Variants in CNTNAP2 observed in about 807,000 individuals in gnomAD.
CNTNAP2 encodes contactin associated protein 2.
CNTNAP2 carries 98 observed loss-of-function variants against 155.2 expected under a neutral mutation model. The ratio of observed to expected loss-of-function variants is 0.63; its 90% CI spans 0.54 to 0.75. The LOEUF (loss-of-function observed/expected upper bound fraction) is 0.75. CNTNAP2 is among the 30% of genes least tolerant of loss of function. The pLI is 0.00. For missense variants in CNTNAP2, 1,727 were observed against 1,688.1 expected (o/e 1.02, Z -0.40); for synonymous variants, 651 against 631.2 (o/e 1.03, Z -0.47).
chr7:146,761,362 G>T (rs892178831), intron 1 of CNTNAP2, among the ~76,000 whole-genome samples: 60 of 152,230 alleles, frequency 3.9e-4, no homozygotes, highest in South Asian at 6.2e-4. Context: ...TCCCTGAAAA[G>T]AGAGGGAAGC....
At chr7:148,205,640 C>T (rs1296408981) in intron 18 of CNTNAP2, among the ~76,000 whole-genome samples, 1 of 152,226 alleles carries the variant, frequency 6.6e-6, no homozygotes, top group African/African-American at 2.4e-5. Flanking sequence ...GATGAGGTCT[C>T]AGTCAACTGA....
chr7:147,834,581 A>G (rs1332541426), intron 13 of CNTNAP2, among the ~76,000 whole-genome samples: 1 of 152,108 alleles, frequency 6.6e-6, no homozygotes, highest in Non-Finnish European at 1.5e-5. Context: ...TCTTTCATAG[A>G]CACCTACATC....
chr7:146,557,975 A>T (rs1474510235), intron 1 of CNTNAP2, among the ~76,000 whole-genome samples: 3 of 152,240 alleles, frequency 2.0e-5, no homozygotes, highest in Non-Finnish European at 4.4e-5. Context: ...AATGAAACAG[A>T]AAATGTAATA....
At chr7:148,055,753 A>G (rs1460570467) in intron 15 of CNTNAP2, among the ~76,000 whole-genome samples, 3 of 151,930 alleles carry the variant, frequency 2.0e-5, no homozygotes, top group African/African-American at 7.3e-5. Flanking sequence ...AAGGAAAAGC[A>G]TTGCAGTTAA....
At chr7:146,203,154 T>G (rs777202633) in intron 1 of CNTNAP2, among the ~76,000 whole-genome samples, 2 of 152,190 alleles carry the variant, frequency 1.3e-5, no homozygotes, top group African/African-American at 4.8e-5. Flanking sequence ...AAGCAAGCAA[T>G]CAATTCTGCA....
intron 1 of CNTNAP2, among the ~76,000 whole-genome samples, chr7:146,444,663 T>C (rs1455567945): frequency 7.0e-6 from 1 of 142,282 alleles, no homozygotes; most frequent in East Asian, 2.0e-4. Context: ...CTCTCTCTCT[T>C]TTTTTTTTTT....
chr7:146,970,668 C>G (rs1336993002), intron 3 of CNTNAP2, among the ~76,000 whole-genome samples: 2 of 152,058 alleles, frequency 1.3e-5, no homozygotes, highest in African/African-American at 4.8e-5. Context: ...CCTCAGGGAT[C>G]TAGAACTAGA....
At chr7:147,861,347 A>G (rs555599025) in intron 13 of CNTNAP2, among the ~76,000 whole-genome samples, 1 of 151,558 alleles carries the variant, frequency 6.6e-6, no homozygotes, top group South Asian at 2.1e-4. Flanking sequence ...AGAGATAAAT[A>G]AGACCTAGCC....
chr7:147,986,738 T>G (rs542816082), intron 15 of CNTNAP2, among the ~76,000 whole-genome samples: 1 of 152,090 alleles, frequency 6.6e-6, no homozygotes, highest in Non-Finnish European at 1.5e-5. Flanking sequence ...AACAGCTGAG[T>G]GGGTATCAGA....
intron 1 of CNTNAP2, among the ~76,000 whole-genome samples, chr7:146,538,270 C>A (rs970273677): frequency 3.9e-5 from 6 of 152,082 alleles, no homozygotes; most frequent in Non-Finnish European, 7.4e-5. Flanking sequence ...AACCTCAAGT[C>A]TTTCCCCAAA....
intron 11 of CNTNAP2, among the ~76,000 whole-genome samples, chr7:147,507,793 G>T (rs183916307): frequency 6.6e-6 from 1 of 151,678 alleles, no homozygotes; most frequent in African/African-American, 2.4e-5. Context: ...CCTCGTGATC[G>T]GCCTGCCTCG....
At chr7:147,109,016 T>C (rs1226818160) in intron 5 of CNTNAP2, among the ~76,000 whole-genome samples, 1 of 152,194 alleles carries the variant, frequency 6.6e-6, no homozygotes, top group Non-Finnish European at 1.5e-5. Flanking sequence ...CCAAATCCTG[T>C]GGGATCCTGC....
chr7:146,296,198 C>A (rs1800512151), intron 1 of CNTNAP2, among the ~76,000 whole-genome samples: 1 of 152,102 alleles, frequency 6.6e-6, no homozygotes. Context: ...CGGACCCCAG[C>A]CAGTTTGAAG....
At chr7:146,706,141 A>G (rs1800961560) in intron 1 of CNTNAP2, among the ~76,000 whole-genome samples, 1 of 150,872 alleles carries the variant, frequency 6.6e-6, no homozygotes, top group African/African-American at 2.5e-5. Flanking sequence ...GACATAGCCA[A>G]ATGTTCCCTG....
chr7:146,944,834 T>C (rs1002757181), intron 3 of CNTNAP2, among the ~76,000 whole-genome samples: 137 of 151,326 alleles, frequency 9.1e-4, no homozygotes, highest in Non-Finnish European at 1.5e-3. Context: ...GCCGAGATCG[T>C]GCCACTGCAC....
intron 12 of CNTNAP2, among the ~76,000 whole-genome samples, chr7:147,635,546 A>G (rs2116917316): frequency 6.6e-6 from 1 of 152,292 alleles, no homozygotes; most frequent in African/African-American, 2.4e-5. Context: ...TGTGTTACAA[A>G]ACAAACATAT....
At chr7:148,049,813 A>G (rs766257354) in intron 15 of CNTNAP2, among the ~76,000 whole-genome samples, 5 of 152,222 alleles carry the variant, frequency 3.3e-5, no homozygotes, top group African/African-American at 4.8e-5. Flanking sequence ...TATTTGCTAT[A>G]TTATATTATA....
intron 1 of CNTNAP2, among the ~76,000 whole-genome samples, chr7:146,659,526 A>G (rs1800051577): frequency 1.3e-5 from 2 of 152,186 alleles, no homozygotes; most frequent in African/African-American, 4.8e-5. Context: ...GGGATTCTCT[A>G]GAAGAGCTTC....
At chr7:147,483,662 A>G (rs1563222188) in intron 10 of CNTNAP2, among the ~76,000 whole-genome samples, 1 of 152,240 alleles carries the variant, frequency 6.6e-6, no homozygotes, top group Non-Finnish European at 1.5e-5. Context: ...TAATTTAGAA[A>G]GTAAATATAC....
Sources: allele counts gnomAD v4.1 joint callset (sites outside exome capture counted in the v4.1 genomes callset), GRCh38; gene constraint gnomAD v4.1.1; transcripts MANE v1.5; gene names NCBI Gene and HGNC (gene_info 2026-07-23, HGNC 2026-07-21).